Variants in GPHN observed in about 807,000 individuals in gnomAD.
GPHN encodes gephyrin.
A neutral mutation model predicts 95.5 loss-of-function variants in GPHN; 17 were observed. That is an observed-to-expected ratio of 0.18 (90% CI 0.12 to 0.27). The LOEUF is 0.27. Ranked by LOEUF, GPHN falls within the 10% of genes least tolerant of loss-of-function variation. GPHN has a pLI of 1.00. For synonymous variants in GPHN, 320 were observed against 322.5 expected (o/e 0.99, Z 0.08); for missense variants, 660 against 978.1 (o/e 0.67, Z 4.34).
intron 4 of GPHN, among the ~76,000 whole-genome samples, chr14:66,839,467 G>C (rs992898958): frequency 1.3e-5 from 2 of 152,084 alleles, no homozygotes; most frequent in Non-Finnish European, 2.9e-5. Flanking sequence ...AAACCTTTAT[G>C]GAAAGAAAAG....
chr14:66,854,627 A>G (rs2062723054), intron 4 of GPHN, among the ~76,000 whole-genome samples: 1 of 152,216 alleles, frequency 6.6e-6, no homozygotes. Context: ...CTCAACATAT[A>G]CCATTAACAT....
chr14:67,608,468 A>G, the GPHN span, among the ~76,000 whole-genome samples: 1 of 152,150 alleles, frequency 6.6e-6, no homozygotes, highest in African/African-American at 2.4e-5. Flanking sequence ...AGATTTTGGT[A>G]TCTGAGGGAG....
the GPHN span, chr14:67,562,826 G>A: frequency 1.2e-6 from 2 of 1,613,754 alleles, no homozygotes; most frequent in Admixed American, 3.3e-5. Flanking sequence ...GGCCCTTGGA[G>A]CTGAGCTGGA....
intron 8 of GPHN, among the ~76,000 whole-genome samples, chr14:66,943,954 T>C (rs1027930628): frequency 1.1e-4 from 16 of 152,160 alleles, no homozygotes; most frequent in African/African-American, 3.6e-4. Context: ...TGGGGTTCCA[T>C]GAAGAAAATA....
chr14:66,593,212 G>A (rs998714958), intron 1 of GPHN, among the ~76,000 whole-genome samples: 1 of 151,966 alleles, frequency 6.6e-6, no homozygotes, highest in Admixed American at 6.6e-5. Context: ...ACAGGTTGAT[G>A]GGTGCAGCAA....
chr14:67,700,191 T>G, the GPHN span, among the ~76,000 whole-genome samples: 2 of 151,584 alleles, frequency 1.3e-5, no homozygotes, highest in Non-Finnish European at 2.9e-5. Context: ...GAGTTATGAG[T>G]GTACACTATA....
chr14:67,316,985 G>A, the GPHN span: 49 of 1,056,880 alleles, frequency 4.6e-5, no homozygotes, highest in Non-Finnish European at 6.3e-5. Context: ...TATTAGAACC[G>A]TGAAGAAGTA....
At chr14:67,648,215 C>T in the GPHN span, 4 of 1,599,040 alleles carry the variant, frequency 2.5e-6, no homozygotes, top group East Asian at 4.5e-5. Flanking sequence ...AGCCTGTTAA[C>T]TACATAGGTA....
chr14:67,154,004 G>C (rs2081436714), intron 18 of GPHN, among the ~76,000 whole-genome samples: 1 of 152,216 alleles, frequency 6.6e-6, no homozygotes, highest in Non-Finnish European at 1.5e-5. Context: ...ACAATTTTTT[G>C]CAAGAAAAAT....
chr14:67,458,043 G>C, the GPHN span, among the ~76,000 whole-genome samples: 3 of 152,194 alleles, frequency 2.0e-5, no homozygotes, highest in Admixed American at 2.0e-4. Flanking sequence ...AGCCAGGAGC[G>C]GGAATTGAAG....
rs1443451770 is a variant in GPHN at position 67,143,458 on chromosome 14, G to A, written c.1836+9G>A. On this transcript the variant is annotated intron_variant, in intron 18 of 22. Transcript: ENST00000478722. ...TATCCATGGGGGAAAAGGTATGAAA[G>A]ATAGGGCTCGTGAAAATGTATCTGC... The A allele has an allele frequency of 1.3e-6, 2 of 1,502,926 alleles. No homozygotes were observed. Among genetic ancestry groups the A allele is most frequent in the Admixed American group, 1.7e-5 (1 of 59,888 alleles). The allele number at this position is 1,502,926 out of a possible 1,614,324, so 93.1% of individuals were successfully genotyped here.
chr14:67,090,246 G>T (rs141301682), intron 12 of GPHN, among the ~76,000 whole-genome samples: 2 of 151,822 alleles, frequency 1.3e-5, no homozygotes, highest in African/African-American at 2.4e-5. Flanking sequence ...TTTGGTTTTG[G>T]TTTTTTTAGC....
chr14:66,599,747 T>G (rs1315751663), intron 1 of GPHN, among the ~76,000 whole-genome samples: 1 of 151,998 alleles, frequency 6.6e-6, no homozygotes, highest in African/African-American at 2.4e-5. Flanking sequence ...CCTTGTCTTA[T>G]TCCTTATTTT....
chr14:67,252,013 G>A, the GPHN span, among the ~76,000 whole-genome samples: 1 of 152,100 alleles, frequency 6.6e-6, no homozygotes, highest in Non-Finnish European at 1.5e-5. Context: ...CAAGGTGCTG[G>A]GAGGCTGGTT....
At chr14:66,776,076 A>G (rs2059371441) in intron 2 of GPHN, among the ~76,000 whole-genome samples, 1 of 152,206 alleles carries the variant, frequency 6.6e-6, no homozygotes, top group Non-Finnish European at 1.5e-5. Context: ...ATTTTTCTGT[A>G]AACCTAAAGC....
At chr14:67,203,952 T>G in the GPHN span, among the ~76,000 whole-genome samples, 1 of 152,174 alleles carries the variant, frequency 6.6e-6, no homozygotes, top group Non-Finnish European at 1.5e-5. Context: ...CCTCAGGTGA[T>G]CCACCCGCCT....
At chr14:66,627,027 G>T (rs532020829) in intron 1 of GPHN, among the ~76,000 whole-genome samples, 2 of 152,004 alleles carry the variant, frequency 1.3e-5, no homozygotes, top group Admixed American at 1.3e-4. Context: ...ATTGACTATA[G>T]ATCTTTTATA....
chr14:67,647,006 T>C, the GPHN span: 2 of 1,611,276 alleles, frequency 1.2e-6, no homozygotes, highest in Admixed American at 1.7e-5. Flanking sequence ...GGAACGAACA[T>C]TTGATCTGCT....
the GPHN span, among the ~76,000 whole-genome samples, chr14:67,564,769 G>A: frequency 3.3e-5 from 5 of 149,502 alleles, no homozygotes; most frequent in Admixed American, 3.3e-4. Context: ...GCTCACTGCA[G>A]CCTCAACTTC....
Sources: gnomAD v4.1 joint callset for allele counts (sites outside exome capture counted in the v4.1 genomes callset) on GRCh38, gnomAD v4.1.1 for gene constraint, MANE v1.5 for transcripts, NCBI Gene and HGNC (gene_info 2026-07-23, HGNC 2026-07-21) for gene names.